Variants in H4C15 observed in about 807,000 individuals in gnomAD.
H4C15 encodes the protein histone H4.
the H4C15 span, chr1:149,849,002 T>G: frequency 7.2e-5 from 11 of 152,294 alleles, no homozygotes; most frequent in African/African-American, 2.2e-4. Context: ...GCAAAGAGCT[T>G]CTCAAATTTC....
At chr1:149,844,765 A>T in the H4C15 span, 1 of 151,778 alleles carries the variant, frequency 6.6e-6, no homozygotes, top group Non-Finnish European at 1.5e-5. Flanking sequence ...TTTTTTAGTT[A>T]TTAGGTATTG....
chr1:149,844,703 G>A, the H4C15 span: 6 of 151,218 alleles, frequency 4.0e-5, no homozygotes, highest in African/African-American at 1.5e-4. Context: ...ATCCCAAATA[G>A]TATCTTCCAG....
At chr1:149,855,460 G>A (rs1476454741), downstream of H4C15, among the ~76,000 whole-genome samples, 4 of 131,864 alleles carry the variant, frequency 3.0e-5, no homozygotes, top group Non-Finnish European at 3.3e-5. Flanking sequence ...ACATGGCCAC[G>A]TTTACACTGA....
At chr1:149,844,858 C>G in the H4C15 span, 44 of 151,386 alleles carry the variant, frequency 2.9e-4, no homozygotes, top group African/African-American at 8.7e-4. Flanking sequence ...CATTTTCCTG[C>G]TTTTACACAT....
At chr1:149,848,907 T>C in the H4C15 span, 2 of 152,230 alleles carry the variant, frequency 1.3e-5, no homozygotes, top group Admixed American at 6.5e-5. Context: ...AGTTCACAGG[T>C]AGACCCTAAA....
At chr1:149,848,698 C>T in the H4C15 span, 1 of 152,304 alleles carries the variant, frequency 6.6e-6, no homozygotes, top group East Asian at 1.9e-4. Context: ...ACCCTAAGAA[C>T]TGTGGGTAAA....
chr1:149,845,719 G>A, the H4C15 span: 1 of 152,246 alleles, frequency 6.6e-6, no homozygotes, highest in African/African-American at 2.4e-5. Context: ...TTTTAAATGA[G>A]ATAGAGTGCT....
downstream of H4C15, among the ~76,000 whole-genome samples, chr1:149,849,986 A>G (rs2092167061): frequency 6.6e-6 from 1 of 152,200 alleles, no homozygotes; most frequent in African/African-American, 2.4e-5. Context: ...ACACAATTTG[A>G]TCTTACATAA....
chr1:149,850,172 C>T, downstream of H4C15: 1 of 645,072 alleles, frequency 1.6e-6, no homozygotes, highest in Non-Finnish European at 2.7e-6. Context: ...TATAGCAATG[C>T]CTATGTGAAA....
the H4C15 span, chr1:149,848,086 T>G: frequency 1.3e-5 from 2 of 152,318 alleles, no homozygotes; most frequent in Admixed American, 6.5e-5. Context: ...ATTTTTTGAT[T>G]TAGTTTATTT....
the H4C15 span, chr1:149,848,288 A>T: frequency 6.6e-6 from 1 of 152,110 alleles, no homozygotes; most frequent in South Asian, 2.1e-4. Context: ...CCTTTTATCT[A>T]GGAAATTATT....
chr1:149,850,541 G>A (rs1479533746), downstream of H4C15: 11 of 753,276 alleles, frequency 1.5e-5, no homozygotes, highest in African/African-American at 1.8e-4. Flanking sequence ...CAGGCGGGAC[G>A]CCTCTCCCGC....
chr1:149,845,621 G>A, the H4C15 span: 1 of 152,272 alleles, frequency 6.6e-6, no homozygotes, highest in African/African-American at 2.4e-5. Flanking sequence ...GTGACCAAGG[G>A]AAAGTTTTAC....
At chr1:149,850,524 A>G, downstream of H4C15, 2 of 819,732 alleles carry the variant, frequency 2.4e-6, no homozygotes, top group Non-Finnish European at 3.9e-6. Flanking sequence ...CGCTTGTTGT[A>G]GTGCGCCAGG....
the H4C15 span, chr1:149,847,632 T>G: frequency 6.6e-6 from 1 of 152,044 alleles, no homozygotes; most frequent in Non-Finnish European, 1.5e-5. Context: ...ATGATGAAAC[T>G]CCATCTCTAC....
At chr1:149,850,460 G>A (rs1294292380), downstream of H4C15, 9 of 1,043,800 alleles carry the variant, frequency 8.6e-6, no homozygotes, top group Non-Finnish European at 1.3e-5. Flanking sequence ...TGGCCAGCTC[G>A]CCGGGCAGCA....
chr1:149,847,376 C>G, the H4C15 span: 20 of 152,198 alleles, frequency 1.3e-4, no homozygotes, highest in African/African-American at 2.4e-4. Flanking sequence ...TGTGTCCCCC[C>G]GAAAGATATG....
downstream of H4C15, chr1:149,850,708 G>A (rs1161617723): frequency 6.0e-6 from 2 of 333,670 alleles, no homozygotes; most frequent in African/African-American, 9.0e-5. Context: ...CTTTCTTCTG[G>A]GCTTTGGTGA....
At chr1:149,850,664 C>G, downstream of H4C15, 1 of 438,438 alleles carries the variant, frequency 2.3e-6, no homozygotes, top group Non-Finnish European at 3.9e-6. Flanking sequence ...GATGGAGTAG[C>G]TCTCCTTGCG....
Sources: gnomAD v4.1 joint callset for allele counts (sites outside exome capture counted in the v4.1 genomes callset) on GRCh38, gnomAD v4.1.1 for gene constraint, MANE v1.5 for transcripts, NCBI Gene and HGNC (gene_info 2026-07-23, HGNC 2026-07-21) for gene names.